RTL4: variants seen among roughly 807,000 people sequenced by gnomAD.
RTL4 encodes retrotransposon Gag like 4.
RTL4 carries 4 observed loss-of-function variants against 5.3 expected under a neutral mutation model. The observed-to-expected ratio is 0.75, with a 90% CI of 0.37 to 1.72. The LOEUF (loss-of-function observed/expected upper bound fraction) is 1.72, where lower values mean the gene tolerates loss of function less well. Among genes scored for constraint, RTL4 ranks in the 40% most tolerant of loss-of-function variants. The pLI, the probability that RTL4 is intolerant of heterozygous loss-of-function variation, is 0.04. For missense variants in RTL4, 260 were observed against 227.1 expected, an observed-to-expected ratio of 1.14 and a Z score of -0.93; for synonymous variants, 98 against 87.3, an observed-to-expected ratio of 1.12 and a Z score of -0.68.
At chrX:112,325,648 A>C in the RTL4 span, among the ~76,000 whole-genome samples, 2 of 112,400 alleles carry the variant, frequency 1.8e-5, no homozygotes, top group Admixed American at 1.9e-4. Flanking sequence ...ACAAAAATTA[A>C]TTCAAGATGG....
At chrX:112,454,463 A>G, upstream of RTL4, 1 of 289,956 alleles carries the variant, frequency 3.4e-6, no homozygotes, top group Non-Finnish European at 6.0e-6. Context: ...CAAGTCCTTT[A>G]TGTGTTCTAA....
At chrX:112,099,085 G>T in the RTL4 span, among the ~76,000 whole-genome samples, 2 of 111,988 alleles carry the variant, frequency 1.8e-5, no homozygotes, top group African/African-American at 6.5e-5. Flanking sequence ...ACCACCATCA[G>T]AGTGAACAGG....
At chrX:112,419,611 G>GTGTA in the RTL4 span, among the ~76,000 whole-genome samples, 39 of 34,670 alleles carry the variant, frequency 1.1e-3, no homozygotes, top group African/African-American at 2.2e-3. Context: ...ATATGTATAT[G>GTGTA]TATATATATA....
At chrX:112,278,671 A>G in the RTL4 span, among the ~76,000 whole-genome samples, 37 of 111,671 alleles carry the variant, frequency 3.3e-4, no homozygotes, top group Non-Finnish European at 1.5e-4. Flanking sequence ...AGAACTTCCA[A>G]TCAGCTTTTT....
the RTL4 span, among the ~76,000 whole-genome samples, chrX:112,266,486 G>A: frequency 9.1e-6 from 1 of 110,421 alleles, no homozygotes. Context: ...AGGGGGAGGG[G>A]ACATGAATGG....
At chrX:112,177,966 T>TAA in the RTL4 span, among the ~76,000 whole-genome samples, 3 of 99,723 alleles carry the variant, frequency 3.0e-5, no homozygotes, top group East Asian at 6.1e-4. Context: ...ATAGCTTCAT[T>TAA]AAAAAAAAAA....
chrX:112,326,526 T>C, the RTL4 span, among the ~76,000 whole-genome samples: 1 of 111,833 alleles, frequency 8.9e-6, no homozygotes, highest in African/African-American at 3.3e-5. Flanking sequence ...TCTTTGCTGA[T>C]TGCTAGCACA....
chrX:112,103,003 C>A, the RTL4 span, among the ~76,000 whole-genome samples: 9 of 111,882 alleles, frequency 8.0e-5, no homozygotes. Context: ...TTAGTTCAAC[C>A]ATTGTGGAAG....
the RTL4 span, among the ~76,000 whole-genome samples, chrX:112,240,030 T>G: frequency 2.7e-5 from 3 of 112,210 alleles, no homozygotes; most frequent in African/African-American, 9.7e-5. Flanking sequence ...GATTTTAAGG[T>G]AGCAATCACA....
At chrX:112,390,109 ATAT>A in the RTL4 span, among the ~76,000 whole-genome samples, 14 of 1,365 alleles carry the variant, frequency 0.01, no homozygotes, top group African/African-American at 0.025. Context: ...TATATATAAT[ATAT>A]ATATATATAT....
chrX:112,246,270 T>C, the RTL4 span, among the ~76,000 whole-genome samples: 5 of 112,102 alleles, frequency 4.5e-5, no homozygotes, highest in East Asian at 1.4e-3. Context: ...ACAGGGATGT[T>C]TAAGTCTGCA....
the RTL4 span, among the ~76,000 whole-genome samples, chrX:112,251,713 C>T: frequency 9.0e-6 from 1 of 111,413 alleles, no homozygotes; most frequent in African/African-American, 3.3e-5. Flanking sequence ...ATTGACCTTA[C>T]AGACCAGCAC....
the RTL4 span, among the ~76,000 whole-genome samples, chrX:112,438,745 G>A: frequency 8.9e-6 from 1 of 112,020 alleles, no homozygotes; most frequent in Non-Finnish European, 1.9e-5. Context: ...TCAATAAATA[G>A]ATTTATTTTA....
At chrX:112,298,705 T>C in the RTL4 span, among the ~76,000 whole-genome samples, 1 of 112,645 alleles carries the variant, frequency 8.9e-6, no homozygotes, top group Non-Finnish European at 1.9e-5. Context: ...AATCCAACAG[T>C]TGTAGCCCCA....
chrX:112,230,938 G>A, the RTL4 span, among the ~76,000 whole-genome samples: 1 of 111,462 alleles, frequency 9.0e-6, no homozygotes. Flanking sequence ...CTTCTCAAAA[G>A]AAGACATTTA....
the RTL4 span, among the ~76,000 whole-genome samples, chrX:112,105,125 C>A: frequency 2.1e-4 from 24 of 111,767 alleles, no homozygotes; most frequent in South Asian, 8.5e-3. Context: ...CCAGTTTTCT[C>A]ATCATAATTT....
chrX:112,129,132 A>G, the RTL4 span, among the ~76,000 whole-genome samples: 8 of 112,057 alleles, frequency 7.1e-5, no homozygotes, highest in African/African-American at 2.6e-4. Flanking sequence ...CAATACCACA[A>G]TGAGATACCA....
At chrX:112,086,705 A>T in the RTL4 span, among the ~76,000 whole-genome samples, 389 of 112,338 alleles carry the variant, frequency 3.5e-3, 1 homozygote, top group Non-Finnish European at 5.7e-3. Flanking sequence ...ATATATAGCA[A>T]CATGTCACTT....
At chrX:112,202,485 G>A in the RTL4 span, among the ~76,000 whole-genome samples, 1 of 109,316 alleles carries the variant, frequency 9.1e-6, no homozygotes, top group Non-Finnish European at 1.9e-5. Context: ...TGAGATAAAT[G>A]CCCAAGAGTG....
Sources: allele counts gnomAD v4.1 joint callset (sites outside exome capture counted in the v4.1 genomes callset), GRCh38; gene constraint gnomAD v4.1.1; transcripts MANE v1.5; gene names NCBI Gene and HGNC (gene_info 2026-07-23, HGNC 2026-07-21).